CFAP58: variants seen among roughly 807,000 people sequenced by gnomAD.
CFAP58 encodes the protein cilia- and flagella-associated protein 58.
In CFAP58, 88 loss-of-function variants were observed where a neutral mutation model predicts 119.5. The observed-to-expected ratio is 0.74, with a 90% CI of 0.62 to 0.88. The LOEUF (loss-of-function observed/expected upper bound fraction) is 0.88. CFAP58 is among the 40% of genes least tolerant of loss of function. CFAP58 has a pLI of 0.00. For synonymous variants in CFAP58, 365 were observed against 366.3 expected, an observed-to-expected ratio of 1.00 and a Z score of 0.04; for missense variants, 990 against 1,021.2, an observed-to-expected ratio of 0.97 and a Z score of 0.42.
intron 14 of CFAP58, among the ~76,000 whole-genome samples, chr10:104,404,980 A>G (rs2012335325): frequency 6.6e-6 from 1 of 152,212 alleles, no homozygotes; most frequent in African/African-American, 2.4e-5. Flanking sequence ...AGAGGAAAAA[A>G]CAAAAATTCC....
chr10:104,348,567 C>T, the CFAP58 span, among the ~76,000 whole-genome samples: 1 of 152,166 alleles, frequency 6.6e-6, no homozygotes, highest in South Asian at 2.1e-4. Context: ...AGGCACTTCT[C>T]TTCTATCCTT....
At chr10:104,389,407 CATT>C (rs1443167168) in intron 9 of CFAP58, among the ~76,000 whole-genome samples, 1 of 152,158 alleles carries the variant, frequency 6.6e-6, no homozygotes, top group African/African-American at 2.4e-5. Context: ...TTCTCTGTGG[CATT>C]ATTCTGCCTG....
intron 7 of CFAP58, among the ~76,000 whole-genome samples, chr10:104,373,696 A>G (rs913138734): frequency 1.3e-5 from 2 of 152,196 alleles, no homozygotes; most frequent in African/African-American, 4.8e-5. Context: ...AATTGATTCT[A>G]GAGTTCCTCC....
At chr10:104,448,066 G>A (rs1471058109) in intron 16 of CFAP58, among the ~76,000 whole-genome samples, 6 of 152,252 alleles carry the variant, frequency 3.9e-5, no homozygotes, top group African/African-American at 1.4e-4. Flanking sequence ...AGGAAAAGAT[G>A]ATGACAACAG....
intron 6 of CFAP58, among the ~76,000 whole-genome samples, chr10:104,370,209 C>A (rs1312553940): frequency 6.6e-6 from 1 of 152,188 alleles, no homozygotes; most frequent in Non-Finnish European, 1.5e-5. Context: ...ATACTGTATA[C>A]AAAATTCACA....
At chr10:104,413,198 G>A (rs1002035947) in intron 15 of CFAP58, among the ~76,000 whole-genome samples, 3 of 152,152 alleles carry the variant, frequency 2.0e-5, no homozygotes, top group Non-Finnish European at 4.4e-5. Context: ...GTTCGTCTTC[G>A]AGCTCTGAGA....
intron 1 of CFAP58, among the ~76,000 whole-genome samples, chr10:104,356,509 C>T (rs2014544955): frequency 6.6e-6 from 1 of 152,144 alleles, no homozygotes; most frequent in South Asian, 2.1e-4. Context: ...GTAAGTAAGG[C>T]CTTGCAAGCC....
intron 6 of CFAP58, among the ~76,000 whole-genome samples, chr10:104,370,232 G>T (rs902426236): frequency 1.3e-5 from 2 of 152,156 alleles, no homozygotes; most frequent in African/African-American, 4.8e-5. Flanking sequence ...TTTTTGATAC[G>T]TACAACTTAG....
chr10:104,432,610 C>A (rs1412052776), intron 15 of CFAP58, among the ~76,000 whole-genome samples: 3 of 151,900 alleles, frequency 2.0e-5, no homozygotes, highest in Non-Finnish European at 2.9e-5. Context: ...TCAAACAATT[C>A]TCCTGCCTCA....
intron 15 of CFAP58, among the ~76,000 whole-genome samples, chr10:104,438,568 G>T (rs1246678063): frequency 6.6e-6 from 1 of 151,828 alleles, no homozygotes; most frequent in African/African-American, 2.4e-5. Flanking sequence ...GTAGAGACGG[G>T]GTTTCACCTT....
At chr10:104,356,004 G>T (rs971373000) in intron 1 of CFAP58, among the ~76,000 whole-genome samples, 1 of 152,320 alleles carries the variant, frequency 6.6e-6, no homozygotes, top group Non-Finnish European at 1.5e-5. Context: ...ACAAATTTTT[G>T]TGTGTGCTTA....
the CFAP58 span, among the ~76,000 whole-genome samples, chr10:104,341,771 T>C: frequency 6.6e-6 from 1 of 152,060 alleles, no homozygotes; most frequent in Non-Finnish European, 1.5e-5. Context: ...AATGGAAAGA[T>C]CATCACCATA....
chr10:104,453,811 C>T (rs2013234090), intron 17 of CFAP58, among the ~76,000 whole-genome samples: 1 of 142,580 alleles, frequency 7.0e-6, no homozygotes, highest in South Asian at 2.2e-4. Context: ...TAAAGGACAT[C>T]TATATAGAAG....
chr10:104,447,988 A>G (rs2013137646), intron 16 of CFAP58, among the ~76,000 whole-genome samples, 171 bp downstream of exon 16: 1 of 152,158 alleles, frequency 6.6e-6, no homozygotes, highest in African/African-American at 2.4e-5. Flanking sequence ...CCTCAGAGCT[A>G]TCCTTCTCTT....
intron 1 of CFAP58, 50 bp downstream of exon 1, chr10:104,353,956 G>T (rs976609299): frequency 6.2e-7 from 1 of 1,602,580 alleles, no homozygotes; most frequent in Non-Finnish European, 8.5e-7. Context: ...CCTCCCCATT[G>T]TCCCTCTCCT....
chr10:104,360,926 G>A (rs2014658215), intron 2 of CFAP58, among the ~76,000 whole-genome samples: 1 of 152,110 alleles, frequency 6.6e-6, no homozygotes, highest in African/African-American at 2.4e-5. Context: ...CAATAGCACT[G>A]TGATGAACAT....
chr10:104,392,785 G>T (rs568775046), intron 10 of CFAP58, among the ~76,000 whole-genome samples: 3 of 151,862 alleles, frequency 2.0e-5, no homozygotes, highest in South Asian at 2.1e-4. Context: ...GATTACAGGC[G>T]CATGCCACCA....
chr10:104,445,475 A>G (rs1420039624), intron 15 of CFAP58, among the ~76,000 whole-genome samples: 1 of 152,194 alleles, frequency 6.6e-6, no homozygotes, highest in Non-Finnish European at 1.5e-5. Context: ...AGGACATGGC[A>G]GGGCTTATTC....
chr10:104,401,388 T>C (rs750817925), intron 13 of CFAP58, among the ~76,000 whole-genome samples: 3 of 152,234 alleles, frequency 2.0e-5, no homozygotes, highest in Non-Finnish European at 4.4e-5. Flanking sequence ...TTCGTTTCCT[T>C]AGAAGGCGGC....
Sources: allele counts gnomAD v4.1 joint callset (sites outside exome capture counted in the v4.1 genomes callset), GRCh38; gene constraint gnomAD v4.1.1; transcripts MANE v1.5; gene names NCBI Gene and HGNC (gene_info 2026-07-23, HGNC 2026-07-21).